PDIA6: variants seen among roughly 807,000 people sequenced by gnomAD.
The protein encoded by PDIA6 is protein disulfide-isomerase A6.
In PDIA6, 29 loss-of-function variants were observed where a neutral mutation model predicts 58.4. The ratio of observed to expected loss-of-function variants is 0.50; its 90% CI spans 0.37 to 0.68. The LOEUF (loss-of-function observed/expected upper bound fraction) is 0.68. Among genes scored for constraint, PDIA6 ranks in the 30% least tolerant of loss-of-function variants. PDIA6 has a pLI of 0.00. For missense variants in PDIA6, 480 were observed against 551.0 expected (o/e 0.87, Z 1.29); for synonymous variants, 192 against 202.6 (o/e 0.95, Z 0.44).
chr2:10,804,285 T>C (rs57135939), intron 1 of PDIA6, among the ~76,000 whole-genome samples: 71,860 of 148,676 alleles, frequency 0.48, 18,879 homozygotes, highest in Middle Eastern at 0.58. Context: ...CGTTTTCTTC[T>C]AGGGTTTTTA....
chr2:10,811,500 AAAC>A (rs1666996016), intron 1 of PDIA6, among the ~76,000 whole-genome samples: 1 of 111,368 alleles, frequency 9.0e-6, no homozygotes, highest in African/African-American at 2.6e-5. Flanking sequence ...GTGTCTCAAA[AAAC>A]AGAAAGACAT....
In PDIA6 at chr2:10,832,016, C is replaced by CAAAAAA. The variant is rs59417410; in HGVS notation, c.-48+180_-48+185dup. Reference sequence around the variant, plus strand: ...TGGGTGACAGAGCAAGACCCTGTCTCAAAAAAAAAAAAAAAAAAAAAGAGG... The same window carrying CAAAAAA: ...TGGGTGACAGAGCAAGACCCTGTCTCAAAAAAAAAAAAAAAAAAAAAAAAAAAGAGG... On this transcript the variant is annotated intron_variant, in intron 1 of 13. Transcript: ENST00000381611. 8.3e-3 allele frequency among the ~76,000 whole-genome samples: 671 copies of CAAAAAA among 80,944 alleles called. 38 individuals are homozygous for CAAAAAA. The highest frequency in any genetic ancestry group is 0.017 in the South Asian group (31 of 1,874). The allele number at this position is 80,944 out of a possible 152,430, so 53.1% of individuals were successfully genotyped here. A position where few individuals can be genotyped will look rare whatever the true frequency, so the allele number is the denominator to read the frequency against.
intron 4 of PDIA6, among the ~76,000 whole-genome samples, chr2:10,796,111 G>C (rs977370910): frequency 1.3e-5 from 2 of 150,086 alleles, no homozygotes; most frequent in Non-Finnish European, 2.9e-5. Context: ...GCCTAGGCTG[G>C]AGTACAATCT....
chr2:10,806,367 C>CAAA (rs71392260), intron 1 of PDIA6, among the ~76,000 whole-genome samples: 4 of 106,342 alleles, frequency 3.8e-5, no homozygotes, highest in African/African-American at 1.1e-4. Flanking sequence ...GACCTTGTCT[C>CAAA]AAAAAAAAAA....
At chr2:10,834,698 TCTCCCTCC>T (rs1233623900), upstream of PDIA6, among the ~76,000 whole-genome samples, 12 of 68,552 alleles carry the variant, frequency 1.8e-4, 1 homozygote, top group African/African-American at 5.2e-4. Flanking sequence ...AACTAATTTC[TCTCCCTCC>T]CTCCCTCCCT....
upstream of PDIA6, among the ~76,000 whole-genome samples, chr2:10,816,786 A>G (rs781137922): frequency 1.2e-4 from 18 of 152,136 alleles, no homozygotes; most frequent in Non-Finnish European, 2.4e-4. Flanking sequence ...AGAGCTGAAG[A>G]AAGTCTCAGA....
In PDIA6 at chr2:10,812,757, C is replaced by T. The variant is rs996199647; in HGVS notation, c.-61G>A. 4.4e-6 allele frequency: 6 copies of T among 1,371,086 alleles called. No homozygotes were observed. The Admixed American group carries it at 1.0e-4, about 23-fold the overall frequency. The allele number at this position is 1,371,086 out of a possible 1,614,324, so 84.9% of individuals were successfully genotyped here. ...CCGCCGCTTCAGCCCTGCAGCGTGCCGCACGCCGCGCCCCCGCGCCCACGT... is the reference window on the plus strand; with the variant it reads ...CCGCCGCTTCAGCCCTGCAGCGTGCTGCACGCCGCGCCCCCGCGCCCACGT... On this transcript the variant is annotated 5_prime_UTR_variant, in exon 1 of 13. Coordinates refer to ENST00000272227, the MANE Select transcript of PDIA6 (RefSeq NM_005742.4).
At chr2:10,828,549 C>G (rs1295516395) in intron 1 of PDIA6, among the ~76,000 whole-genome samples, 1 of 152,140 alleles carries the variant, frequency 6.6e-6, no homozygotes, top group Non-Finnish European at 1.5e-5. Context: ...GCCCAGGGCA[C>G]TCTTCCGCCC....
intron 1 of PDIA6, among the ~76,000 whole-genome samples, chr2:10,826,520 C>T (rs754612509): frequency 1.2e-4 from 19 of 152,136 alleles, no homozygotes; most frequent in East Asian, 3.9e-4. Flanking sequence ...CCACCACACC[C>T]GGCTAATTTT....
chr2:10,819,377 G>C, intron 1 of PDIA6: 1 of 1,362,460 alleles, frequency 7.3e-7, no homozygotes, highest in East Asian at 2.5e-5. Flanking sequence ...GAGAAGAGGA[G>C]ATGAGTGAGG....
rs185155251 is a variant in PDIA6 at position 10,786,248 on chromosome 2, G to A, written c.1157+1033C>T. The stretch of plus-strand genomic sequence containing the variant: ...TGAGGCAGGAGAATCACTTGAACCC[G>A]GGAGGTGGAGGTTGCAGTGAGCCGA... On this transcript the variant is annotated intron_variant, in intron 11 of 12. Coordinates refer to ENST00000272227, the MANE Select transcript of PDIA6 (RefSeq NM_005742.4). 1.9e-3 allele frequency among the ~76,000 whole-genome samples: 293 copies of A among 152,106 alleles called. 2 individuals are homozygous for A. The highest frequency in any genetic ancestry group is 6.0e-3 in the African/African-American group (248 of 41,506).
upstream of PDIA6, among the ~76,000 whole-genome samples, chr2:10,813,037 T>C (rs1010361645): frequency 6.6e-6 from 1 of 152,026 alleles, no homozygotes; most frequent in African/African-American, 2.4e-5. Context: ...CCGGGCCCTC[T>C]CGGGGTGCTG....
chr2:10,798,014 C>A (rs903545248), intron 2 of PDIA6, among the ~76,000 whole-genome samples: 1 of 150,832 alleles, frequency 6.6e-6, no homozygotes, highest in African/African-American at 2.4e-5. Context: ...GGTGAAACCC[C>A]GTCTCTAATA....
chr2:10,798,483 G>A (rs1227466197), intron 2 of PDIA6, among the ~76,000 whole-genome samples: 3 of 150,312 alleles, frequency 2.0e-5, no homozygotes, highest in Admixed American at 6.7e-5. Context: ...GAGGGGAATC[G>A]CTTGAACTCG....
intron 1 of PDIA6, among the ~76,000 whole-genome samples, chr2:10,826,933 T>C (rs1686489): frequency 0.63 from 96,391 of 152,014 alleles, 30,809 homozygotes; most frequent in East Asian, 0.8. Flanking sequence ...ATCACTGCAG[T>C]CTCAGCTTAT....
At chr2:10,790,030 G>A (rs1375388217) in intron 7 of PDIA6, 141 bp from the exon 8 acceptor site, 2 of 658,020 alleles carry the variant, frequency 3.0e-6, no homozygotes, top group Admixed American at 3.1e-5. Flanking sequence ...CCAGGCTGGA[G>A]AGCACAGGTG....
Position 10,799,187 on chromosome 2 carries a change from G to C in PDIA6, c.162-1430C>G, listed in dbSNP as rs554692437. Reference sequence around the variant, plus strand: ...GCCCTTACCACTCATTGAGGTTGTAGGTAGCTATACTGTTTATTTTTATTG... The same window carrying C: ...GCCCTTACCACTCATTGAGGTTGTACGTAGCTATACTGTTTATTTTTATTG... On this transcript the variant is annotated intron_variant, in intron 2 of 12. Transcript: ENST00000272227. Among the ~76,000 whole-genome samples, 131 of 136,272 alleles carry C rather than the reference G, an allele frequency of 9.6e-4. 1 individual carries two copies. Among genetic ancestry groups the C allele is most frequent in the African/African-American group, 3.2e-3 (127 of 39,978 alleles). 89.4% of individuals were successfully genotyped at this position (136,272 alleles called of 152,430 possible). A position where few individuals can be genotyped will look rare whatever the true frequency, so the allele number is the denominator to read the frequency against.
chr2:10,824,889 G>A (rs1009722772), intron 1 of PDIA6, among the ~76,000 whole-genome samples: 1 of 152,186 alleles, frequency 6.6e-6, no homozygotes, highest in East Asian at 1.9e-4. Flanking sequence ...AACTTGATTG[G>A]ATTGGAGGAT....
intron 4 of PDIA6, 135 bp downstream of exon 4, chr2:10,796,946 C>T (rs1666292069): frequency 2.7e-6 from 2 of 738,956 alleles, no homozygotes; most frequent in Non-Finnish European, 4.7e-6. Flanking sequence ...GTATAGGAAT[C>T]ACTGTGTACC....
Sources: allele counts gnomAD v4.1 joint callset (sites outside exome capture counted in the v4.1 genomes callset), GRCh38; gene constraint gnomAD v4.1.1; transcripts MANE v1.5; gene names NCBI Gene and HGNC (gene_info 2026-07-23, HGNC 2026-07-21).